SLC9A2: variants seen among roughly 807,000 people sequenced by gnomAD.
SLC9A2 encodes the protein solute carrier family 9 member A2, also known as sodium/hydrogen exchanger 2.
In SLC9A2, 42 loss-of-function variants were observed where a neutral mutation model predicts 71.7. The ratio of observed to expected loss-of-function variants is 0.59; its 90% CI spans 0.46 to 0.76. The LOEUF (loss-of-function observed/expected upper bound fraction) is 0.76, where lower values mean the gene tolerates loss of function less well. Among genes scored for constraint, SLC9A2 ranks in the 30% least tolerant of loss-of-function variants. SLC9A2 has a pLI of 0.00. For missense variants in SLC9A2, 829 were observed against 1,017.4 expected (o/e 0.81, Z 2.52); for synonymous variants, 396 against 392.5 (o/e 1.01, Z -0.10).
intron 3 of SLC9A2, among the ~76,000 whole-genome samples, chr2:102,668,286 G>A (rs560063393): frequency 6.6e-6 from 1 of 152,082 alleles, no homozygotes; most frequent in South Asian, 2.1e-4. Context: ...TTTCTAATGC[G>A]GGGTAATCAG....
At chr2:102,704,908 T>C (rs1428869016) in intron 10 of SLC9A2, among the ~76,000 whole-genome samples, 1 of 152,006 alleles carries the variant, frequency 6.6e-6, no homozygotes, top group East Asian at 1.9e-4. Flanking sequence ...AAAAACAATA[T>C]CGTGGGCCGG....
chr2:102,653,499 C>A (rs1676874806), intron 1 of SLC9A2, among the ~76,000 whole-genome samples: 1 of 152,208 alleles, frequency 6.6e-6, no homozygotes, highest in Non-Finnish European at 1.5e-5. Flanking sequence ...TTTGCTGCTT[C>A]TTGGTTGTTT....
chr2:102,671,075 A>G (rs1677241718), intron 3 of SLC9A2, among the ~76,000 whole-genome samples: 2 of 152,180 alleles, frequency 1.3e-5, no homozygotes, highest in African/African-American at 4.8e-5. Flanking sequence ...ATGTTTATAA[A>G]ATGCTTTCAA....
rs1370164460 is a variant in SLC9A2, at chr2:102,677,699, T to C, written c.1005-5562T>C. 2.0e-5 allele frequency among the ~76,000 whole-genome samples: 3 copies of C among 152,372 alleles called. No homozygotes were observed. The East Asian group carries it at 5.8e-4, about 29-fold the overall frequency. ...GATGCAAAATACATGCCAGACACTA[T>C]GCTAAGCATTGGCAACACTTTTCTT... On this transcript the variant is annotated intron_variant, in intron 3 of 11. Coordinates refer to ENST00000233969, the MANE Select transcript of SLC9A2 (RefSeq NM_003048.6).
In SLC9A2 at chr2:102,701,121, C is replaced by T. The variant is rs747639509; in HGVS notation, c.1638C>T (p.Asn546=). 3 of 1,609,708 alleles carry T rather than the reference C, an allele frequency of 1.9e-6. No individual in the cohort carries two copies. The highest frequency in any genetic ancestry group is 1.3e-5 in the African/African-American group (1 of 74,652). ...KYLRKLLIRE[N]QPKSSIVSLY... ...TGCGGAAGCTTTTGATTCGGGAAAA[C>T]CAACCAAAGTCAAGTATTGTATCTT... The change falls in exon 8 of 12, where the codon AAC becomes AAT. Residue 546 remains asparagine, a synonymous_variant. Coordinates refer to ENST00000233969, the MANE Select transcript of SLC9A2 (RefSeq NM_003048.6).
Position 102,619,842 on chromosome 2 carries a change from G to A in SLC9A2, c.-7G>A. The A allele has an allele frequency of 1.3e-6, 2 of 1,488,544 alleles. No individual in the cohort carries two copies. Among genetic ancestry groups the A allele is most frequent in the East Asian group, 2.4e-5 (1 of 41,300 alleles). 92.2% of individuals were successfully genotyped at this position (1,488,544 alleles called of 1,614,324 possible). Reference sequence around the variant, plus strand: ...GCCGGTCCCCTTGGCGGCAACCGGCGGCACCCATGGAACCACTGGGCAACT... The same window carrying A: ...GCCGGTCCCCTTGGCGGCAACCGGCAGCACCCATGGAACCACTGGGCAACT... On this transcript the variant is annotated 5_prime_UTR_variant, in exon 1 of 12. Transcript: ENST00000233969. The surrounding 1 kb of genome is among the most constrained non-coding windows in gnomAD (Gnocchi z 4.3).
chr2:102,657,214 A>T (rs140157068), intron 1 of SLC9A2, among the ~76,000 whole-genome samples: 5,101 of 151,538 alleles, frequency 0.034, 95 homozygotes, highest in Non-Finnish European at 0.047. Context: ...TCAAAAAAAA[A>T]AATAATAATA....
intron 7 of SLC9A2, among the ~76,000 whole-genome samples, chr2:102,695,802 A>G (rs1029996483): frequency 2.7e-4 from 12 of 44,196 alleles, no homozygotes; most frequent in Non-Finnish European, 6.0e-4. Flanking sequence ...TATATATATT[A>G]TATATATATA....
chr2:102,684,441 G>C, intron 5 of SLC9A2, 105 bp downstream of exon 5: 1 of 1,012,820 alleles, frequency 9.9e-7, no homozygotes. Flanking sequence ...AACTTTGGTA[G>C]TTAATTACTA....
At chr2:102,691,645 G>A (rs1327193971) in intron 5 of SLC9A2, among the ~76,000 whole-genome samples, 2 of 152,302 alleles carry the variant, frequency 1.3e-5, no homozygotes, top group Admixed American at 1.3e-4. Flanking sequence ...GATAAAAAGG[G>A]CGACGATTAA....
intron 5 of SLC9A2, among the ~76,000 whole-genome samples, chr2:102,688,526 A>G (rs1183614065): frequency 1.3e-5 from 2 of 152,182 alleles, no homozygotes; most frequent in African/African-American, 4.8e-5. Flanking sequence ...TCAGGAGATC[A>G]AGACCATTCT....
intron 1 of SLC9A2, among the ~76,000 whole-genome samples, chr2:102,654,836 A>G (rs1247550229): frequency 1.3e-5 from 2 of 152,226 alleles, no homozygotes; most frequent in East Asian, 1.9e-4. Context: ...CCTGTGCAGC[A>G]TGTTACTGTA....
chr2:102,688,143 A>G (rs760773166), intron 5 of SLC9A2, among the ~76,000 whole-genome samples: 4 of 152,116 alleles, frequency 2.6e-5, no homozygotes, highest in African/African-American at 7.2e-5. Flanking sequence ...TTTTTTTCCA[A>G]TATGATTGGT....
At chr2:102,698,477 C>T (rs1011356805) in intron 7 of SLC9A2, among the ~76,000 whole-genome samples, 1 of 152,128 alleles carries the variant, frequency 6.6e-6, no homozygotes, top group Non-Finnish European at 1.5e-5. Flanking sequence ...ACAAACCATC[C>T]CCAAAACTCA....
At position 102,686,384 on chromosome 2, in the gene SLC9A2, A is replaced by C. The variant is rs974137604; in HGVS notation, c.1425+2048A>C. ...TAGCGAGTGCTCAGTATTGTAATGC[A>C]TCACGATTTTCCTCCTTCCTTCTAG... On this transcript the variant is annotated intron_variant, in intron 5 of 11. Transcript: ENST00000233969. 3 of 152,242 alleles carry C rather than the reference A, an allele frequency of 2.0e-5. No homozygotes were observed. The East Asian group carries it at 5.8e-4, about 29-fold the overall frequency. 9.4% of individuals were successfully genotyped at this position (152,242 alleles called of 1,614,324 possible).
intron 1 of SLC9A2, among the ~76,000 whole-genome samples, chr2:102,631,839 A>C (rs1308251720): frequency 6.6e-6 from 1 of 151,314 alleles, no homozygotes; most frequent in East Asian, 1.9e-4. Flanking sequence ...ATAGCTTAGC[A>C]GTTGACAGAA....
rs555483041 is a variant in SLC9A2 at position 102,690,426 on chromosome 2, C to A, written c.1426-3988C>A. Reference sequence around the variant, plus strand: ...AGAAATGAGGGGCAGGAGATATGGGCAACTCTCTTAGGTTTCTTAGAGAAA... The same window carrying A: ...AGAAATGAGGGGCAGGAGATATGGGAAACTCTCTTAGGTTTCTTAGAGAAA... On this transcript the variant is annotated intron_variant, in intron 5 of 11. Transcript: ENST00000233969. 2.6e-5 allele frequency among the ~76,000 whole-genome samples: 4 copies of A among 152,232 alleles called. No homozygotes were observed. In the South Asian group the frequency reaches 8.3e-4, roughly 32 times the overall value.
chr2:102,652,923 A>G (rs1676861409), intron 1 of SLC9A2, among the ~76,000 whole-genome samples: 1 of 152,260 alleles, frequency 6.6e-6, no homozygotes, highest in South Asian at 2.1e-4. Flanking sequence ...TTCAAGAAAT[A>G]CTTGGGGGAG....
At chr2:102,631,734 G>C (rs1676360202) in intron 1 of SLC9A2, among the ~76,000 whole-genome samples, 1 of 151,876 alleles carries the variant, frequency 6.6e-6, no homozygotes, top group South Asian at 2.1e-4. Context: ...TAAAAATAAT[G>C]TATACTTTCC....
Sources: gnomAD v4.1 joint callset for allele counts (sites outside exome capture counted in the v4.1 genomes callset) on GRCh38, gnomAD v4.1.1 for gene constraint, Gnocchi (gnomAD v3.1) non-coding constraint, MANE v1.5 for transcripts, NCBI Gene and HGNC (gene_info 2026-07-23, HGNC 2026-07-21) for gene names.